The following ARL15 variants were observed in gnomAD, a reference collection of about 807,000 sequenced individuals.
ARL15 encodes the protein ARF like GTPase 15, also known as ADP-ribosylation factor-like protein 15.
In ARL15, 19 loss-of-function variants were observed where a neutral mutation model predicts 25.2. The observed-to-expected ratio is 0.75, with a 90% CI of 0.53 to 1.10. ARL15 has a LOEUF of 1.10. Ranked by LOEUF, ARL15 falls within the 50% of genes least tolerant of loss-of-function variation. The pLI is 0.00. For synonymous variants in ARL15, 94 were observed against 86.8 expected (o/e 1.08, Z -0.46); for missense variants, 220 against 246.0 (o/e 0.89, Z 0.71).
At chr5:54,068,695 T>C (rs1222728395) in intron 4 of ARL15, among the ~76,000 whole-genome samples, 1 of 152,202 alleles carries the variant, frequency 6.6e-6, no homozygotes, top group Non-Finnish European at 1.5e-5. Context: ...TAATTGGAAT[T>C]TTCCAAGTAC....
chr5:54,288,987 G>C (rs1165686428), intron 1 of ARL15, among the ~76,000 whole-genome samples: 2 of 152,158 alleles, frequency 1.3e-5, no homozygotes, highest in Admixed American at 6.5e-5. Flanking sequence ...GAAGTAAGAG[G>C]CCTGTCTCAT....
intron 4 of ARL15, among the ~76,000 whole-genome samples, chr5:54,107,722 TG>T (rs1262290321): frequency 2.0e-5 from 3 of 152,120 alleles, no homozygotes; most frequent in Non-Finnish European, 4.4e-5. Flanking sequence ...AGGAAGATAG[TG>T]GAAAGGAATG....
At chr5:54,023,104 G>A (rs1251280722) in intron 4 of ARL15, among the ~76,000 whole-genome samples, 6 of 152,104 alleles carry the variant, frequency 3.9e-5, no homozygotes, top group South Asian at 2.1e-4. Context: ...CTGAACAACC[G>A]AAAGAAACTA....
intron 4 of ARL15, among the ~76,000 whole-genome samples, chr5:53,986,669 T>C (rs780715411): frequency 5.3e-5 from 8 of 152,238 alleles, no homozygotes; most frequent in Non-Finnish European, 1.0e-4. Flanking sequence ...ATTTTTTAAC[T>C]TGGGGTAATG....
chr5:54,022,085 C>T lies in ARL15; in HGVS notation c.462+91117G>A, dbSNP rs144129373. The stretch of plus-strand genomic sequence containing the variant: ...AAGGGGCAATTGAGACATACTCAGA[C>T]GAAGGGAAACTCAGAGAATTTGTCA... On this transcript the variant is annotated intron_variant, in intron 4 of 4. Transcript: ENST00000504924. Among the ~76,000 whole-genome samples the T allele has an allele frequency of 8.0e-4, 122 of 151,844 alleles. 1 individual carries two copies. The highest frequency in any genetic ancestry group is 2.9e-3 in the East Asian group (15 of 5,144).
intron 1 of ARL15, among the ~76,000 whole-genome samples, chr5:54,176,037 A>C (rs1754862054): frequency 6.6e-6 from 1 of 152,168 alleles, no homozygotes; most frequent in Non-Finnish European, 1.5e-5. Flanking sequence ...AAGGACATCC[A>C]ACATGACATC....
intron 4 of ARL15, among the ~76,000 whole-genome samples, chr5:54,056,150 G>T (rs1213760818): frequency 6.6e-6 from 1 of 152,134 alleles, no homozygotes; most frequent in Non-Finnish European, 1.5e-5. Flanking sequence ...ATAACTCAAT[G>T]GTCTTGGGCA....
intron 4 of ARL15, among the ~76,000 whole-genome samples, chr5:54,028,770 G>A (rs956073570): frequency 6.6e-6 from 1 of 152,084 alleles, no homozygotes. Flanking sequence ...CCAGCATTTT[G>A]GGAGGCCAAA....
At chr5:54,180,132 T>C (rs1004103671) in intron 1 of ARL15, among the ~76,000 whole-genome samples, 2 of 151,862 alleles carry the variant, frequency 1.3e-5, no homozygotes, top group African/African-American at 4.8e-5. Flanking sequence ...TATGTATATA[T>C]AAATTATACC....
intron 4 of ARL15, chr5:53,887,432 T>C (rs1204355263): frequency 1.4e-6 from 1 of 697,718 alleles, no homozygotes; most frequent in Admixed American, 2.0e-5. Flanking sequence ...CTGAAAAACC[T>C]GTTCAATTAA....
At chr5:54,213,513 C>T (rs1410187443) in intron 1 of ARL15, among the ~76,000 whole-genome samples, 1 of 152,150 alleles carries the variant, frequency 6.6e-6, no homozygotes, top group Non-Finnish European at 1.5e-5. Flanking sequence ...ATTGAGGTTC[C>T]TTAAGAAACA....
At chr5:54,237,356 T>G (rs1270832804) in intron 1 of ARL15, among the ~76,000 whole-genome samples, 2 of 152,188 alleles carry the variant, frequency 1.3e-5, no homozygotes, top group Non-Finnish European at 1.5e-5. Flanking sequence ...AATTACCCAG[T>G]CTCTAGTATG....
intron 1 of ARL15, among the ~76,000 whole-genome samples, chr5:54,299,517 T>C (rs1479648953): frequency 1.3e-5 from 2 of 150,946 alleles, no homozygotes; most frequent in Non-Finnish European, 3.0e-5. Context: ...CTGAGCACTG[T>C]GCCTCCTGCA....
chr5:53,997,427 T>C (rs1351267526), intron 4 of ARL15, among the ~76,000 whole-genome samples: 1 of 151,042 alleles, frequency 6.6e-6, no homozygotes, highest in African/African-American at 2.4e-5. Context: ...AAATTAAGGG[T>C]ACCTTTTATT....
At chr5:54,073,693 T>C (rs1751490632) in intron 4 of ARL15, among the ~76,000 whole-genome samples, 1 of 152,232 alleles carries the variant, frequency 6.6e-6, no homozygotes, top group African/African-American at 2.4e-5. Flanking sequence ...TGCCAATTAC[T>C]GACATCATTT....
Position 54,307,081 on chromosome 5 carries a change from C to A in ARL15, c.48+3351G>T, listed in dbSNP as rs544346426. ...TGTTGGGACAGCAGCTAAATGTTTACCCAGAGACTTGGCAGATGTAAACAT... is the reference window on the plus strand; with the variant it reads ...TGTTGGGACAGCAGCTAAATGTTTAACCAGAGACTTGGCAGATGTAAACAT... On this transcript the variant is annotated intron_variant, in intron 1 of 4. Coordinates refer to ENST00000504924, the MANE Select transcript of ARL15 (RefSeq NM_019087.3). Among the ~76,000 whole-genome samples the A allele has an allele frequency of 7.4e-3, 1,120 of 152,254 alleles. 10 individuals are homozygous for A. Among genetic ancestry groups the A allele is most frequent in the Non-Finnish European group, 0.012 (835 of 68,018 alleles).
At chr5:54,281,226 A>T (rs898405276) in intron 1 of ARL15, among the ~76,000 whole-genome samples, 1 of 151,964 alleles carries the variant, frequency 6.6e-6, no homozygotes, top group Admixed American at 6.6e-5. Flanking sequence ...TGCAACCTCC[A>T]CTTCCTGGGT....
At chr5:54,030,251 A>G (rs1749934381) in intron 4 of ARL15, among the ~76,000 whole-genome samples, 1 of 152,210 alleles carries the variant, frequency 6.6e-6, no homozygotes, top group Non-Finnish European at 1.5e-5. Flanking sequence ...CCAAAGCAGC[A>G]GTTATGTATA....
At chr5:54,128,863 G>A (rs919287598) in intron 3 of ARL15, among the ~76,000 whole-genome samples, 1 of 151,812 alleles carries the variant, frequency 6.6e-6, no homozygotes, top group East Asian at 1.9e-4. Flanking sequence ...GTGCCACCAC[G>A]CCCGGCTAAT....
Sources: gnomAD v4.1 joint callset for allele counts (sites outside exome capture counted in the v4.1 genomes callset) on GRCh38, gnomAD v4.1.1 for gene constraint, MANE v1.5 for transcripts, NCBI Gene and HGNC (gene_info 2026-07-23, HGNC 2026-07-21) for gene names.